The following FMN2 variants were observed in gnomAD, a reference collection of about 807,000 sequenced individuals.
FMN2 encodes formin 2.
In FMN2, 51 loss-of-function variants were observed where a neutral mutation model predicts 142.3. That is an observed-to-expected ratio of 0.36 (90% CI 0.29 to 0.45). FMN2 has a LOEUF of 0.45. FMN2 is among the 20% of genes least tolerant of loss of function. The pLI, the probability that FMN2 is intolerant of heterozygous loss-of-function variation, is 1.00. For synonymous variants in FMN2, 882 were observed against 869.8 expected, an observed-to-expected ratio of 1.01 and a Z score of -0.25; for missense variants, 1,936 against 2,122.8, an observed-to-expected ratio of 0.91 and a Z score of 1.73.
chr1:240,211,343 A>G (rs1414527209), intron 6 of FMN2, 108 bp downstream of exon 6: 1 of 1,056,788 alleles, frequency 9.5e-7, no homozygotes, highest in Non-Finnish European at 1.4e-6. Flanking sequence ...ACCTCCATGG[A>G]TCTTAGGCAG....
chr1:240,242,445 G>A (rs924257512), intron 6 of FMN2, among the ~76,000 whole-genome samples: 8 of 152,098 alleles, frequency 5.3e-5, no homozygotes, highest in Non-Finnish European at 2.9e-5. Context: ...AACAACCCGA[G>A]GGATGGGACC....
At chr1:240,216,583 C>A (rs1666905106) in intron 6 of FMN2, among the ~76,000 whole-genome samples, 1 of 152,096 alleles carries the variant, frequency 6.6e-6, no homozygotes, top group Admixed American at 6.6e-5. Flanking sequence ...AAATGTGCTA[C>A]TTATTATAAG....
In FMN2 at chr1:240,092,991, G is replaced by A; in HGVS notation, c.882G>A (p.Pro294=). The part of the protein sequence containing the change: ...AAEPREPQQP[P]SPGGLPVSEA... The stretch of plus-strand genomic sequence containing the variant: ...AGCCCCGGGAGCCCCAGCAACCGCC[G>A]TCCCCCGGCGGCCTCCCGGTCTCCG... Residue 294 remains proline (P), a synonymous_variant, in exon 1 of 18, where the codon CCG becomes CCA. Transcript: ENST00000319653. 1.4e-6 allele frequency: 2 copies of A among 1,401,888 alleles called. No individual in the cohort carries two copies. The highest frequency in any genetic ancestry group is 9.2e-7 in the Non-Finnish European group (1 of 1,087,202). 86.8% of individuals were successfully genotyped at this position (1,401,888 alleles called of 1,614,324 possible).
At chr1:240,234,394 G>C (rs1667627937) in intron 6 of FMN2, among the ~76,000 whole-genome samples, 1 of 151,660 alleles carries the variant, frequency 6.6e-6, no homozygotes, top group Non-Finnish European at 1.5e-5. Context: ...AGGGTGTAGA[G>C]ATCTTCCAGA....
chr1:240,436,241 T>C (rs909665618), intron 15 of FMN2, among the ~76,000 whole-genome samples: 2 of 152,196 alleles, frequency 1.3e-5, no homozygotes, highest in African/African-American at 4.8e-5. Flanking sequence ...TTGACTGTAC[T>C]CTGTCATTTT....
At chr1:240,277,009 T>C (rs1333084921) in intron 7 of FMN2, among the ~76,000 whole-genome samples, 1 of 152,222 alleles carries the variant, frequency 6.6e-6, no homozygotes, top group Non-Finnish European at 1.5e-5. Flanking sequence ...TGTTTGTGTT[T>C]GCACTGTTGC....
chr1:240,180,102 C>T, intron 3 of FMN2: 1 of 1,068,652 alleles, frequency 9.4e-7, no homozygotes, highest in Non-Finnish European at 1.3e-6. Flanking sequence ...ATGTAGCTTG[C>T]AAAATGCTAG....
chr1:240,291,201 A>G (rs1669774453), intron 7 of FMN2, among the ~76,000 whole-genome samples: 2 of 152,214 alleles, frequency 1.3e-5, no homozygotes, highest in East Asian at 3.9e-4. Context: ...AATGTAGCAT[A>G]TTTGACAAAT....
chr1:240,344,377 G>C (rs1396737855), intron 13 of FMN2, among the ~76,000 whole-genome samples: 1 of 152,168 alleles, frequency 6.6e-6, no homozygotes, highest in Non-Finnish European at 1.5e-5. Context: ...ATGTTTTGCT[G>C]TTTGAGATGT....
At chr1:240,234,950 T>C (rs189401231) in intron 6 of FMN2, among the ~76,000 whole-genome samples, 154 of 152,316 alleles carry the variant, frequency 1.0e-3, no homozygotes, top group Admixed American at 4.8e-3. Context: ...CACTTACAAT[T>C]TCAGATTGTT....
chr1:240,436,252 T>C (rs983247348), intron 15 of FMN2, among the ~76,000 whole-genome samples: 3 of 152,186 alleles, frequency 2.0e-5, no homozygotes, highest in Non-Finnish European at 4.4e-5. Flanking sequence ...CTGTCATTTT[T>C]CTAGTAGGCT....
intron 7 of FMN2, among the ~76,000 whole-genome samples, chr1:240,266,747 G>T (rs1057177345): frequency 2.6e-5 from 4 of 151,588 alleles, no homozygotes; most frequent in African/African-American, 9.7e-5. Context: ...GGTACAAAAA[G>T]ACACATAGAC....
At chr1:240,285,703 A>G (rs1048730845) in intron 7 of FMN2, among the ~76,000 whole-genome samples, 1 of 152,104 alleles carries the variant, frequency 6.6e-6, no homozygotes, top group Non-Finnish European at 1.5e-5. Flanking sequence ...AGGAATTTAT[A>G]ACTGTGTCAC....
rs193049501 is a variant in FMN2, at chr1:240,207,646, C to T, written c.2834C>T (p.Pro945Leu). The T allele has an allele frequency of 4.0e-4, 411 of 1,023,668 alleles. 16 individuals carry two copies. The highest frequency in any genetic ancestry group is 4.4e-4 in the Non-Finnish European group (340 of 776,936). The allele number at this position is 1,023,668 out of a possible 1,614,324, so 63.4% of individuals were successfully genotyped here. A position where few individuals can be genotyped will look rare whatever the true frequency, so the allele number is the denominator to read the frequency against. ...PPLPGAGIPP[P>L]PPLPGAAIPP... ...CTACCCGGAGCGGGAATACCTCCTC[C>T]GCCCCCTCTACCCGGAGCGGCAATA... The change falls in exon 5 of 18, where the codon CCG becomes CTG. Residue 945 changes from proline to leucine, a missense_variant. Around this residue, in one of 8 missense-constraint regions of FMN2, gnomAD observed 478 missense variants for 462.8 expected, o/e 1.03. Transcript: ENST00000319653.
At chr1:240,143,210 G>A (rs771795189) in intron 2 of FMN2, 10 of 1,590,330 alleles carry the variant, frequency 6.3e-6, no homozygotes, top group South Asian at 1.1e-5. Flanking sequence ...CCATGCCCAT[G>A]GCAAAAATGG....
At chr1:240,457,717 C>T (rs1322546077) in intron 16 of FMN2, 1 of 152,220 alleles carries the variant, frequency 6.6e-6, no homozygotes, top group African/African-American at 2.4e-5. Context: ...ATGGATGAAG[C>T]ATCGCATGCA....
chr1:240,103,039 A>AT (rs886693221), intron 1 of FMN2, among the ~76,000 whole-genome samples: 6 of 151,564 alleles, frequency 4.0e-5, no homozygotes, highest in Non-Finnish European at 8.8e-5. Flanking sequence ...CGATTTTTGC[A>AT]TTTTTTTGTA....
At chr1:240,337,340 C>T (rs1311370132) in intron 13 of FMN2, among the ~76,000 whole-genome samples, 4 of 151,538 alleles carry the variant, frequency 2.6e-5, no homozygotes, top group African/African-American at 7.3e-5. Flanking sequence ...CCTCAGCCTC[C>T]TGAGTAGCTG....
chr1:240,134,651 GAGAC>G (rs1414554628), intron 2 of FMN2, among the ~76,000 whole-genome samples: 1 of 151,938 alleles, frequency 6.6e-6, no homozygotes, highest in African/African-American at 2.4e-5. Context: ...CAAATAAAGA[GAGAC>G]AGAGAGAAAA....
Sources: gnomAD v4.1 joint callset for allele counts (sites outside exome capture counted in the v4.1 genomes callset) on GRCh38, gnomAD v4.1.1 for gene constraint, gnomAD v4.1.1 regional missense constraint, MANE v1.5 for transcripts, NCBI Gene and HGNC (gene_info 2026-07-23, HGNC 2026-07-21) for gene names.